The following CDIN1 variants were observed in gnomAD, a reference collection of about 807,000 sequenced individuals.
The protein encoded by CDIN1 is CDAN1 interacting nuclease 1.
CDIN1 carries 33 observed loss-of-function variants against 45.3 expected under a neutral mutation model. The observed-to-expected ratio is 0.73, with a 90% CI of 0.55 to 0.97. CDIN1 has a LOEUF of 0.97. Among genes scored for constraint, CDIN1 ranks in the 50% least tolerant of loss-of-function variants. The pLI is 0.00. For missense variants in CDIN1, 303 were observed against 339.4 expected (o/e 0.89, Z 0.84); for synonymous variants, 118 against 124.4 (o/e 0.95, Z 0.34).
At chr15:36,581,492 A>C (rs1351562847) in intron 1 of CDIN1, among the ~76,000 whole-genome samples, 1 of 152,160 alleles carries the variant, frequency 6.6e-6, no homozygotes, top group East Asian at 1.9e-4. Flanking sequence ...ACTTCTCCCA[A>C]ATGCCATACA....
At chr15:36,691,091 TTC>T (rs2042233150) in intron 5 of CDIN1, 1 of 503,018 alleles carries the variant, frequency 2.0e-6, no homozygotes, top group Non-Finnish European at 3.9e-6. Context: ...TTATTTAAGA[TTC>T]TCTCAATTCA....
At chr15:36,677,210 A>G (rs1437303240) in intron 5 of CDIN1, among the ~76,000 whole-genome samples, 1 of 152,156 alleles carries the variant, frequency 6.6e-6, no homozygotes, top group African/African-American at 2.4e-5. Context: ...GACAAAAACA[A>G]TTCCTTAATC....
chr15:36,754,297 A>G (rs1008275415), intron 10 of CDIN1, among the ~76,000 whole-genome samples: 1 of 152,134 alleles, frequency 6.6e-6, no homozygotes, highest in African/African-American at 2.4e-5. Context: ...ACCCCCTGTC[A>G]TTTAGTGGAT....
intron 5 of CDIN1, among the ~76,000 whole-genome samples, chr15:36,685,528 G>A (rs191958770): frequency 1.3e-5 from 2 of 152,190 alleles, no homozygotes; most frequent in South Asian, 2.1e-4. Flanking sequence ...AACACCAAAA[G>A]CAATGGCAAC....
At chr15:36,660,233 C>G (rs1033629149) in intron 5 of CDIN1, among the ~76,000 whole-genome samples, 1 of 152,114 alleles carries the variant, frequency 6.6e-6, no homozygotes, top group Non-Finnish European at 1.5e-5. Flanking sequence ...TCCATCACCC[C>G]CTTCCCTGAC....
intron 1 of CDIN1, among the ~76,000 whole-genome samples, chr15:36,603,239 A>G (rs538965125): frequency 6.6e-6 from 1 of 152,316 alleles, no homozygotes; most frequent in African/African-American, 2.4e-5. Flanking sequence ...CTGACTACTC[A>G]GAAGCTAAAG....
intron 10 of CDIN1, among the ~76,000 whole-genome samples, chr15:36,725,770 T>C (rs2043600825): frequency 6.6e-6 from 1 of 152,122 alleles, no homozygotes; most frequent in Non-Finnish European, 1.5e-5. Context: ...TAATTTAGTA[T>C]ATCATGGTGG....
intron 1 of CDIN1, chr15:36,613,350 T>TTA (rs2038738473): frequency 5.3e-6 from 4 of 755,318 alleles, no homozygotes; most frequent in Admixed American, 4.1e-5. Flanking sequence ...TGACGTAAAG[T>TTA]TAAAAAGATG....
At chr15:36,781,683 G>C (rs191162653) in intron 10 of CDIN1, among the ~76,000 whole-genome samples, 1 of 152,178 alleles carries the variant, frequency 6.6e-6, no homozygotes, top group Non-Finnish European at 1.5e-5. Context: ...GTACATGCAC[G>C]AAATTCAAGA....
intron 10 of CDIN1, among the ~76,000 whole-genome samples, chr15:36,746,136 G>A (rs2044421921): frequency 6.6e-6 from 1 of 152,148 alleles, no homozygotes; most frequent in Non-Finnish European, 1.5e-5. Context: ...TGATAGTTTT[G>A]TTGAGCAAAT....
intron 10 of CDIN1, among the ~76,000 whole-genome samples, chr15:36,773,341 A>C (rs906106203): frequency 1.3e-5 from 2 of 152,238 alleles, no homozygotes; most frequent in Non-Finnish European, 2.9e-5. Flanking sequence ...GAAATGGTTT[A>C]TATCTGTACT....
At chr15:36,623,604 C>G (rs1253291261) in intron 1 of CDIN1, among the ~76,000 whole-genome samples, 1 of 152,202 alleles carries the variant, frequency 6.6e-6, no homozygotes, top group Non-Finnish European at 1.5e-5. Context: ...GTACCCTGAA[C>G]AGGGTCCTGG....
At chr15:36,770,456 T>A (rs1161127065) in intron 10 of CDIN1, among the ~76,000 whole-genome samples, 1 of 151,820 alleles carries the variant, frequency 6.6e-6, no homozygotes, top group South Asian at 2.1e-4. Flanking sequence ...TTATTATTAT[T>A]ATTATTATTG....
At chr15:36,766,381 C>A (rs1486747762) in intron 10 of CDIN1, among the ~76,000 whole-genome samples, 2 of 152,160 alleles carry the variant, frequency 1.3e-5, no homozygotes, top group Admixed American at 1.3e-4. Context: ...GTGCAGATAT[C>A]TCTTCAAGAT....
intron 8 of CDIN1, chr15:36,708,008 T>C (rs991157616): frequency 2.0e-5 from 3 of 152,186 alleles, no homozygotes; most frequent in Admixed American, 2.0e-4. Context: ...TATTGACTTT[T>C]AACAAAATTT....
At chr15:36,790,255 C>T (rs2054611196) in intron 10 of CDIN1, 2 of 152,272 alleles carry the variant, frequency 1.3e-5, no homozygotes, top group Admixed American at 6.5e-5. Flanking sequence ...GGAATTGGAA[C>T]TGTTGCCAGC....
At chr15:36,601,314 T>G (rs905576416) in intron 1 of CDIN1, among the ~76,000 whole-genome samples, 4 of 152,308 alleles carry the variant, frequency 2.6e-5, no homozygotes, top group African/African-American at 7.2e-5. Context: ...GATTTGTGAT[T>G]GGAGATTTGT....
In CDIN1 at chr15:36,692,137, C is replaced by T. The variant is rs1052883326; in HGVS notation, c.438C>T (p.Asn146=). 18 of 1,613,626 alleles carry T rather than the reference C, an allele frequency of 1.1e-5. No homozygotes were observed. The highest frequency in any genetic ancestry group is 1.1e-4 in the African/African-American group (8 of 74,890). Residue 146 remains asparagine, a synonymous_variant, in exon 7 of 11, where the codon AAC becomes AAT. Transcript: ENST00000566621. ...LANQVYQCIV[N]DCCYGPLVDC... The stretch of plus-strand genomic sequence containing the variant: ...TTATTTGTCTGCAGTGCATTGTGAA[C>T]GACTGCTGTTACGGACCACTAGTGG...
At chr15:36,709,495 A>G (rs1419131366) in intron 9 of CDIN1, among the ~76,000 whole-genome samples, 3 of 152,182 alleles carry the variant, frequency 2.0e-5, no homozygotes, top group Non-Finnish European at 2.9e-5. Context: ...TTTTCTAAAG[A>G]TATTTTGGTT....
Sources: gnomAD v4.1 joint callset for allele counts (sites outside exome capture counted in the v4.1 genomes callset) on GRCh38, gnomAD v4.1.1 for gene constraint, MANE v1.5 for transcripts, NCBI Gene and HGNC (gene_info 2026-07-23, HGNC 2026-07-21) for gene names.